The following ZC3H12C variants were observed in gnomAD, a reference collection of about 807,000 sequenced individuals.
ZC3H12C encodes the protein probable ribonuclease ZC3H12C.
A neutral mutation model predicts 76.3 loss-of-function variants in ZC3H12C; 20 were observed. That is an observed-to-expected ratio of 0.26 (90% CI 0.18 to 0.38). The LOEUF is 0.38. ZC3H12C is among the 10% of genes least tolerant of loss of function. The pLI is 1.00. For missense variants in ZC3H12C, 874 were observed against 1,086.5 expected (o/e 0.80, Z 2.75); for synonymous variants, 352 against 399.6 (o/e 0.88, Z 1.42).
At chr11:110,130,741 CAT>C (rs1188769962) in intron 1 of ZC3H12C, among the ~76,000 whole-genome samples, 2 of 152,236 alleles carry the variant, frequency 1.3e-5, no homozygotes, top group Non-Finnish European at 2.9e-5. Flanking sequence ...ACTCCGCTCT[CAT>C]AGAGCAGCTG....
chr11:110,152,298 G>A (rs576709119), intron 2 of ZC3H12C, among the ~76,000 whole-genome samples: 4 of 152,316 alleles, frequency 2.6e-5, no homozygotes, highest in African/African-American at 9.6e-5. Flanking sequence ...ACACGATATA[G>A]TTGAACAGAA....
intron 1 of ZC3H12C, among the ~76,000 whole-genome samples, chr11:110,122,053 G>C (rs1469420710): frequency 2.6e-5 from 4 of 152,118 alleles, no homozygotes; most frequent in Non-Finnish European, 5.9e-5. Context: ...TTTTTAATTA[G>C]TTTCCTAAGT....
At chr11:110,138,140 T>C (rs149247988) in intron 2 of ZC3H12C, among the ~76,000 whole-genome samples, 12 of 152,146 alleles carry the variant, frequency 7.9e-5, no homozygotes, top group African/African-American at 2.9e-4. Context: ...AGAAATTTTT[T>C]TGTGTGATTT....
intron 1 of ZC3H12C, among the ~76,000 whole-genome samples, chr11:110,129,703 G>A: frequency 6.6e-6 from 1 of 152,278 alleles, no homozygotes; most frequent in African/African-American, 2.4e-5. Context: ...AATGAAAAGG[G>A]AATGTGCGTG....
chr11:110,119,557 T>C (rs1861616812), intron 1 of ZC3H12C, among the ~76,000 whole-genome samples: 1 of 152,226 alleles, frequency 6.6e-6, no homozygotes, highest in Non-Finnish European at 1.5e-5. Flanking sequence ...TGCTGTTCCA[T>C]GAGCACACCA....
chr11:110,130,953 C>T (rs1211544096), intron 1 of ZC3H12C: 2 of 1,390,434 alleles, frequency 1.4e-6, no homozygotes, highest in African/African-American at 2.9e-5. Flanking sequence ...TGTTATTCCA[C>T]TCGGTAATAG....
At chr11:110,094,650 G>T (rs1294506936) in intron 1 of ZC3H12C, among the ~76,000 whole-genome samples, 2 of 152,114 alleles carry the variant, frequency 1.3e-5, no homozygotes, top group Non-Finnish European at 2.9e-5. Context: ...TAAGTTTAGG[G>T]TTCTCTGTGT....
intron 4 of ZC3H12C, among the ~76,000 whole-genome samples, chr11:110,160,654 C>T (rs920035233): frequency 7.9e-5 from 12 of 152,132 alleles, no homozygotes; most frequent in Admixed American, 5.2e-4. Flanking sequence ...CAGTACTATG[C>T]GTGGAGCTGT....
intron 1 of ZC3H12C, among the ~76,000 whole-genome samples, chr11:110,117,776 TACAC>T (rs1305128758): frequency 3.7e-5 from 5 of 134,954 alleles, no homozygotes; most frequent in Non-Finnish European, 7.6e-5. Flanking sequence ...CACATATATA[TACAC>T]ACACACATAT....
chr11:110,115,334 G>C (rs921337469), intron 1 of ZC3H12C, among the ~76,000 whole-genome samples: 1 of 151,064 alleles, frequency 6.6e-6, no homozygotes, highest in Non-Finnish European at 1.5e-5. Flanking sequence ...ACAGAGTCTC[G>C]CTCTATCACC....
chr11:110,142,151 T>C (rs529843974), intron 2 of ZC3H12C, among the ~76,000 whole-genome samples: 11 of 152,324 alleles, frequency 7.2e-5, no homozygotes, highest in African/African-American at 2.6e-4. Context: ...TTTGTTATTG[T>C]TTAATTATAT....
intron 2 of ZC3H12C, among the ~76,000 whole-genome samples, chr11:110,138,725 T>C (rs1197214473): frequency 6.6e-6 from 1 of 151,990 alleles, no homozygotes; most frequent in South Asian, 2.1e-4. Context: ...GCCTGGCTAA[T>C]TTTTGTATTT....
At chr11:110,144,630 A>G (rs949664015) in intron 2 of ZC3H12C, among the ~76,000 whole-genome samples, 2 of 152,230 alleles carry the variant, frequency 1.3e-5, no homozygotes, top group Non-Finnish European at 2.9e-5. Context: ...TCATGTAAAT[A>G]ATATACGTAT....
chr11:110,107,446 G>A (rs1455627524), intron 1 of ZC3H12C, among the ~76,000 whole-genome samples: 1 of 152,040 alleles, frequency 6.6e-6, no homozygotes, highest in Non-Finnish European at 1.5e-5. Context: ...ACAATGGCAT[G>A]ATCTCAGCTC....
intron 1 of ZC3H12C, among the ~76,000 whole-genome samples, chr11:110,105,373 A>T (rs1861303389): frequency 6.6e-6 from 1 of 152,222 alleles, no homozygotes; most frequent in African/African-American, 2.4e-5. Flanking sequence ...AAAATACATT[A>T]TTTCTAGTTT....
chr11:110,151,390 T>G, intron 2 of ZC3H12C, among the ~76,000 whole-genome samples: 1 of 152,152 alleles, frequency 6.6e-6, no homozygotes, highest in East Asian at 1.9e-4. Flanking sequence ...GTATCATTAG[T>G]TTACTAGCAA....
At chr11:110,161,156 G>T (rs1591486867) in intron 4 of ZC3H12C, among the ~76,000 whole-genome samples, 1 of 152,184 alleles carries the variant, frequency 6.6e-6, no homozygotes, top group East Asian at 1.9e-4. Flanking sequence ...TGACATCATG[G>T]TTTATCGAGT....
rs1862618768 is a variant in ZC3H12C at position 110,168,494 on chromosome 11, C to G, written c.*2757C>G. On this transcript the variant is annotated 3_prime_UTR_variant, in exon 6 of 6. Coordinates refer to ENST00000278590, the MANE Select transcript of ZC3H12C (RefSeq NM_033390.2). ...ATTTTAGCCAAAACTTTCTCTCTAACCAAATCTTTTACCAGACTTGCTAAT... is the reference window on the plus strand; with the variant it reads ...ATTTTAGCCAAAACTTTCTCTCTAAGCAAATCTTTTACCAGACTTGCTAAT... 6.6e-6 allele frequency: 1 copy of G among 152,114 alleles called. No individual in the cohort carries two copies. Among genetic ancestry groups the G allele is most frequent in the South Asian group, 2.1e-4 (1 of 4,822 alleles). 9.4% of individuals were successfully genotyped at this position (152,114 alleles called of 1,614,324 possible).
chr11:110,163,414 T>C, intron 5 of ZC3H12C, 35 bp downstream of exon 5: 1 of 1,509,448 alleles, frequency 6.6e-7, no homozygotes, highest in Non-Finnish European at 9.1e-7. Context: ...TATATGCCTT[T>C]AGAACACAAT....
Sources: allele counts gnomAD v4.1 joint callset (sites outside exome capture counted in the v4.1 genomes callset), GRCh38; gene constraint gnomAD v4.1.1; transcripts MANE v1.5; gene names NCBI Gene and HGNC (gene_info 2026-07-23, HGNC 2026-07-21).